The following LRRC3B variants were observed in gnomAD, a reference collection of about 807,000 sequenced individuals.
LRRC3B encodes leucine rich repeat containing 3B.
Under a neutral mutation model 12.8 loss-of-function variants are expected in LRRC3B, and 2 were observed. The ratio of observed to expected loss-of-function variants is 0.16; its 90% CI spans 0.06 to 0.49. The LOEUF is 0.49. Among genes scored for constraint, LRRC3B ranks in the 20% least tolerant of loss-of-function variants. The pLI, the probability that LRRC3B is intolerant of heterozygous loss-of-function variation, is 0.96. For missense variants in LRRC3B, 189 were observed against 319.4 expected, an observed-to-expected ratio of 0.59 and a Z score of 3.11; for synonymous variants, 132 against 122.0, an observed-to-expected ratio of 1.08 and a Z score of -0.54.
chr3:26,685,099 G>A (rs1198271553), intron 1 of LRRC3B, among the ~76,000 whole-genome samples: 4 of 152,038 alleles, frequency 2.6e-5, no homozygotes, highest in South Asian at 2.1e-4. Context: ...GATTATGGGC[G>A]TGTGCCACCA....
At chr3:26,654,291 A>T (rs1339385549) in intron 1 of LRRC3B, among the ~76,000 whole-genome samples, 4 of 152,180 alleles carry the variant, frequency 2.6e-5, no homozygotes, top group African/African-American at 9.6e-5. Context: ...GGGCTTAGAG[A>T]AGATTGTGAG....
intron 1 of LRRC3B, among the ~76,000 whole-genome samples, chr3:26,690,012 C>T (rs1700158682): frequency 6.6e-6 from 1 of 152,176 alleles, no homozygotes; most frequent in Admixed American, 6.5e-5. Context: ...CCACCTGGTT[C>T]CCCACCACCT....
chr3:26,654,638 T>C (rs1231124675), intron 1 of LRRC3B, among the ~76,000 whole-genome samples: 1 of 152,074 alleles, frequency 6.6e-6, no homozygotes, highest in Non-Finnish European at 1.5e-5. Flanking sequence ...AAGTGTGTAG[T>C]GGGACAGTGC....
At position 26,644,916 on chromosome 3, in the gene LRRC3B, C is replaced by T. The variant is rs147387462; in HGVS notation, c.-161+21679C>T. Reference sequence around the variant, plus strand: ...CTCACACATATAATGCCCATATATACACAGGTAATATACAAATATACACAT... The same window carrying T: ...CTCACACATATAATGCCCATATATATACAGGTAATATACAAATATACACAT... On this transcript the variant is annotated intron_variant, in intron 1 of 1. Transcript: ENST00000396641. Among the ~76,000 whole-genome samples, 1,027 of 152,174 alleles carry T rather than the reference C, an allele frequency of 6.7e-3. 8 individuals carry two copies. The highest frequency in any genetic ancestry group is 0.011 in the Non-Finnish European group (720 of 67,998).
At chr3:26,643,780 A>G (rs1699084673) in intron 1 of LRRC3B, among the ~76,000 whole-genome samples, 1 of 152,174 alleles carries the variant, frequency 6.6e-6, no homozygotes, top group South Asian at 2.1e-4. Context: ...AGGGGACTAT[A>G]TATAGCAGCT....
chr3:26,652,176 A>G (rs1259429035), intron 1 of LRRC3B, among the ~76,000 whole-genome samples: 2 of 152,188 alleles, frequency 1.3e-5, no homozygotes, highest in Non-Finnish European at 2.9e-5. Flanking sequence ...TCAACCAGCT[A>G]AGGTAATGTT....
chr3:26,662,614 T>A (rs1431296823), intron 1 of LRRC3B, among the ~76,000 whole-genome samples: 1 of 152,124 alleles, frequency 6.6e-6, no homozygotes, highest in Non-Finnish European at 1.5e-5. Context: ...GGGATGTGTG[T>A]ATGAGTGAGT....
intron 1 of LRRC3B, among the ~76,000 whole-genome samples, chr3:26,670,294 A>G (rs1018299263): frequency 6.6e-6 from 1 of 152,232 alleles, no homozygotes. Flanking sequence ...AGACAGACAC[A>G]TTAGTAGTAT....
intron 1 of LRRC3B, among the ~76,000 whole-genome samples, chr3:26,694,032 T>A (rs1433825204): frequency 6.6e-6 from 1 of 152,202 alleles, no homozygotes; most frequent in East Asian, 1.9e-4. Flanking sequence ...CATTAGTTGG[T>A]GGTGGGTGTT....
chr3:26,675,503 T>A (rs1484161632), intron 1 of LRRC3B, among the ~76,000 whole-genome samples: 1 of 152,218 alleles, frequency 6.6e-6, no homozygotes, highest in African/African-American at 2.4e-5. Context: ...TCTTTCAGTT[T>A]GCCCAGAATA....
At chr3:26,694,014 G>A (rs747263558) in intron 1 of LRRC3B, among the ~76,000 whole-genome samples, 6 of 152,146 alleles carry the variant, frequency 3.9e-5, no homozygotes, top group Non-Finnish European at 8.8e-5. Context: ...TTCTCTGCCT[G>A]CAATAGACAT....
intron 1 of LRRC3B, among the ~76,000 whole-genome samples, chr3:26,645,166 A>C (rs1699117343): frequency 6.6e-6 from 1 of 152,206 alleles, no homozygotes. Flanking sequence ...AGTTGCAGGA[A>C]AAAATAGACT....
intron 1 of LRRC3B, among the ~76,000 whole-genome samples, chr3:26,660,041 C>T (rs1365735662): frequency 1.3e-5 from 2 of 152,052 alleles, no homozygotes; most frequent in East Asian, 3.9e-4. Context: ...TTTAATCTTC[C>T]AGCTGCACAC....
intron 1 of LRRC3B, among the ~76,000 whole-genome samples, chr3:26,666,983 TAAC>T (rs1699617918): frequency 6.6e-6 from 1 of 152,138 alleles, no homozygotes; most frequent in Non-Finnish European, 1.5e-5. Context: ...TACTAACAAC[TAAC>T]AACTTTTGCC....
At chr3:26,657,598 A>C (rs1178876188) in intron 1 of LRRC3B, among the ~76,000 whole-genome samples, 1 of 152,024 alleles carries the variant, frequency 6.6e-6, no homozygotes, top group Admixed American at 6.5e-5. Context: ...TAAAAAGTCC[A>C]TGCCTGCTTT....
intron 1 of LRRC3B, among the ~76,000 whole-genome samples, chr3:26,678,821 GGAA>G (rs1699914922): frequency 6.6e-6 from 1 of 152,052 alleles, no homozygotes; most frequent in African/African-American, 2.4e-5. Context: ...AGACTTTCTG[GGAA>G]GAAGAATTAT....
intron 1 of LRRC3B, among the ~76,000 whole-genome samples, chr3:26,688,148 T>C (rs1036859053): frequency 1.3e-5 from 2 of 152,200 alleles, no homozygotes; most frequent in Non-Finnish European, 2.9e-5. Flanking sequence ...TATCCAGATG[T>C]GAACCCATGA....
At chr3:26,626,960 G>T (rs371436353) in intron 1 of LRRC3B, among the ~76,000 whole-genome samples, 1 of 152,190 alleles carries the variant, frequency 6.6e-6, no homozygotes, top group African/African-American at 2.4e-5. Context: ...TTTGAATACA[G>T]TGGCATAAAT....
At chr3:26,642,316 T>C (rs1699046420) in intron 1 of LRRC3B, among the ~76,000 whole-genome samples, 1 of 152,100 alleles carries the variant, frequency 6.6e-6, no homozygotes, top group African/African-American at 2.4e-5. Context: ...GGACCAAACT[T>C]TGAGAGCCAC....
Sources: gnomAD v4.1 joint callset for allele counts (sites outside exome capture counted in the v4.1 genomes callset) on GRCh38, gnomAD v4.1.1 for gene constraint, MANE v1.5 for transcripts, NCBI Gene and HGNC (gene_info 2026-07-23, HGNC 2026-07-21) for gene names.